The following GRIK2 variants were observed in gnomAD, a reference collection of about 807,000 sequenced individuals.
The protein encoded by GRIK2 is glutamate receptor ionotropic, kainate 2.
A neutral mutation model predicts 100.3 loss-of-function variants in GRIK2; 32 were observed. The ratio of observed to expected loss-of-function variants is 0.32; its 90% CI spans 0.24 to 0.43. GRIK2 has a LOEUF of 0.43. Among genes scored for constraint, GRIK2 ranks in the 20% least tolerant of loss-of-function variants. The pLI, the probability that GRIK2 is intolerant of heterozygous loss-of-function variation, is 1.00. For synonymous variants in GRIK2, 417 were observed against 389.4 expected, an observed-to-expected ratio of 1.07 and a Z score of -0.83; for missense variants, 843 against 1,114.9, an observed-to-expected ratio of 0.76 and a Z score of 3.47.
At chr6:101,822,269 TATAAA>T (rs1166110249) in intron 10 of GRIK2, among the ~76,000 whole-genome samples, 4 of 148,466 alleles carry the variant, frequency 2.7e-5, no homozygotes, top group South Asian at 2.1e-4. Flanking sequence ...ATAATTAAGA[TATAAA>T]AGAAAAGTAA....
rs116591290 is a variant in GRIK2 at position 101,899,420 on chromosome 6, G to C, written c.1748+9557G>C. ...AATGACAGTAAACCATATTAATGAA[G>C]TTATTATATGTATTTGCATTTCAAG... is the stretch of plus-strand genomic sequence containing the variant. On this transcript the variant is annotated intron_variant, in intron 12 of 16. Transcript: ENST00000369134. Among the ~76,000 whole-genome samples the C allele has an allele frequency of 7.9e-3, 1,200 of 151,842 alleles. 22 individuals carry two copies. Among genetic ancestry groups the C allele is most frequent in the African/African-American group, 0.027 (1,136 of 41,476 alleles).
At chr6:101,507,155 A>C (rs753444074) in intron 2 of GRIK2, among the ~76,000 whole-genome samples, 1 of 152,078 alleles carries the variant, frequency 6.6e-6, no homozygotes, top group African/African-American at 2.4e-5. Flanking sequence ...TCCTCATAGA[A>C]CCTCCTTCAG....
intron 7 of GRIK2, among the ~76,000 whole-genome samples, chr6:101,777,066 A>G (rs1308538510): frequency 7.9e-5 from 12 of 152,224 alleles, no homozygotes; most frequent in Non-Finnish European, 7.3e-5. Flanking sequence ...GTATTATCTC[A>G]TGCAGTCTGT....
intron 2 of GRIK2, among the ~76,000 whole-genome samples, chr6:101,539,681 T>G (rs1178283751): frequency 6.6e-6 from 1 of 151,828 alleles, no homozygotes. Context: ...AGTACATTAT[T>G]TTTTGTGTTT....
rs192770752 is a variant in GRIK2, at chr6:101,547,382, A to G, written c.116-74567A>G. 1.1e-3 allele frequency among the ~76,000 whole-genome samples: 173 copies of G among 152,136 alleles called. 1 individual carries two copies. The highest frequency in any genetic ancestry group is 3.2e-3 in the African/African-American group (132 of 41,490). On this transcript the variant is annotated intron_variant, in intron 2 of 16. Coordinates refer to ENST00000369134, the MANE Select transcript of GRIK2 (RefSeq NM_021956.5). ...TATGCACAACGTGCAGGTTTGTTAC[A>G]TATGTATACATGTGCCATGTTGGTG...
chr6:101,401,367 C>T (rs1418958623), intron 2 of GRIK2, among the ~76,000 whole-genome samples: 1 of 151,886 alleles, frequency 6.6e-6, no homozygotes, highest in African/African-American at 2.4e-5. Context: ...TCCAAAAGAG[C>T]TCTCTCTCTC....
chr6:101,595,975 T>C (rs996863122), intron 2 of GRIK2, among the ~76,000 whole-genome samples: 2 of 151,014 alleles, frequency 1.3e-5, no homozygotes, highest in African/African-American at 4.9e-5. Context: ...TTTTTTGCTT[T>C]TTTAAATTTC....
intron 7 of GRIK2, among the ~76,000 whole-genome samples, chr6:101,721,210 T>A (rs531297165): frequency 3.0e-4 from 44 of 146,634 alleles, no homozygotes; most frequent in African/African-American, 1.0e-3. Context: ...ATGTCTCTTT[T>A]CTATTCTAAA....
chr6:101,650,893 C>A (rs1009439306), intron 4 of GRIK2, among the ~76,000 whole-genome samples: 6 of 151,976 alleles, frequency 3.9e-5, no homozygotes, highest in African/African-American at 1.4e-4. Context: ...ACAGCCATCG[C>A]ATATGCATTA....
chr6:101,889,621 T>G lies in GRIK2; in HGVS notation c.1525-19T>G. Reference sequence around the variant, plus strand: ...TCTTTCTTTCTTTTTTTTTTTTTTTTGTTTGTTTCTGTCTACAGAAAGCTG... The same window carrying G: ...TCTTTCTTTCTTTTTTTTTTTTTTTGGTTTGTTTCTGTCTACAGAAAGCTG... On this transcript the variant is annotated intron_variant, in intron 11 of 16. Coordinates refer to ENST00000369134, the MANE Select transcript of GRIK2 (RefSeq NM_021956.5). 10 of 1,058,444 alleles carry G rather than the reference T, an allele frequency of 9.4e-6. No individual in the cohort carries two copies. Among genetic ancestry groups the G allele is most frequent in the South Asian group, 3.7e-5 (2 of 54,178 alleles). 65.6% of individuals were successfully genotyped at this position (1,058,444 alleles called of 1,614,324 possible).
chr6:101,613,089 G>A (rs904672003), intron 2 of GRIK2, among the ~76,000 whole-genome samples: 1 of 151,792 alleles, frequency 6.6e-6, no homozygotes, highest in Non-Finnish European at 1.5e-5. Context: ...AAGTATCCAT[G>A]AAAAATCCAG....
intron 7 of GRIK2, among the ~76,000 whole-genome samples, chr6:101,770,577 T>C (rs1778336596): frequency 6.6e-6 from 1 of 152,260 alleles, no homozygotes; most frequent in Non-Finnish European, 1.5e-5. Flanking sequence ...AGTTAACTGA[T>C]ACAGCTTAAT....
At chr6:101,624,193 G>A (rs1048370628) in intron 3 of GRIK2, among the ~76,000 whole-genome samples, 15 of 152,010 alleles carry the variant, frequency 9.9e-5, no homozygotes, top group Middle Eastern at 3.4e-3. Flanking sequence ...TCTGATAACC[G>A]AAAGCTCTAA....
intron 2 of GRIK2, among the ~76,000 whole-genome samples, chr6:101,570,292 A>G (rs758745238): frequency 1.3e-5 from 2 of 152,102 alleles, no homozygotes; most frequent in East Asian, 3.9e-4. Flanking sequence ...ATGATAATCT[A>G]TGTAAATCAC....
At chr6:102,016,955 G>T (rs1440324463) in intron 14 of GRIK2, among the ~76,000 whole-genome samples, 1 of 152,120 alleles carries the variant, frequency 6.6e-6, no homozygotes, top group Non-Finnish European at 1.5e-5. Context: ...AGCCAGAAGA[G>T]ATTGGGGCCT....
intron 14 of GRIK2, among the ~76,000 whole-genome samples, chr6:102,030,514 AG>A (rs1204543034): frequency 6.6e-6 from 1 of 151,062 alleles, no homozygotes; most frequent in Admixed American, 6.6e-5. Context: ...CCCCTCAATT[AG>A]CCCTTGCTAA....
intron 11 of GRIK2, among the ~76,000 whole-genome samples, chr6:101,877,198 A>G (rs1263297584): frequency 2.0e-5 from 3 of 151,960 alleles, no homozygotes; most frequent in Non-Finnish European, 4.4e-5. Flanking sequence ...ATATATGTAG[A>G]GTATATATGC....
At chr6:101,826,907 A>G (rs1365983250) in intron 10 of GRIK2, among the ~76,000 whole-genome samples, 3 of 152,122 alleles carry the variant, frequency 2.0e-5, no homozygotes, top group South Asian at 4.1e-4. Context: ...GAACAGCACA[A>G]CTAGCAAAAC....
chr6:101,813,093 A>G (rs1226447789), intron 9 of GRIK2, among the ~76,000 whole-genome samples: 1 of 152,088 alleles, frequency 6.6e-6, no homozygotes, highest in Non-Finnish European at 1.5e-5. Context: ...TGTACTATAT[A>G]TAGAGATACA....
Sources: gnomAD v4.1 joint callset for allele counts (sites outside exome capture counted in the v4.1 genomes callset) on GRCh38, gnomAD v4.1.1 for gene constraint, MANE v1.5 for transcripts, NCBI Gene and HGNC (gene_info 2026-07-23, HGNC 2026-07-21) for gene names.